Variants in DNAH12 observed in about 807,000 individuals in gnomAD.
The protein encoded by DNAH12 is dynein axonemal heavy chain 12.
In DNAH12, 285 loss-of-function variants were observed where a neutral mutation model predicts 371.5. That is an observed-to-expected ratio of 0.77 (90% CI 0.70 to 0.85). The LOEUF (loss-of-function observed/expected upper bound fraction) is 0.85, where lower values mean the gene tolerates loss of function less well. Among genes scored for constraint, DNAH12 ranks in the 40% least tolerant of loss-of-function variants. The pLI is 0.00. For missense variants in DNAH12, 3,611 were observed against 3,689.4 expected, an observed-to-expected ratio of 0.98 and a Z score of 0.55; for synonymous variants, 1,200 against 1,213.0, an observed-to-expected ratio of 0.99 and a Z score of 0.22.
chr3:57,451,317 A>G (rs2065749781), intron 25 of DNAH12, among the ~76,000 whole-genome samples: 1 of 152,198 alleles, frequency 6.6e-6, no homozygotes, highest in African/African-American at 2.4e-5. Context: ...ATAAAAATAC[A>G]GAATGCCCAG....
At chr3:57,548,855 A>G (rs546289159), upstream of DNAH12, 6 of 152,384 alleles carry the variant, frequency 3.9e-5, no homozygotes, top group Non-Finnish European at 7.3e-5. Flanking sequence ...TTTCGGCAGC[A>G]CATAATATTA....
chr3:57,408,556 A>C, intron 39 of DNAH12, 21 bp from the exon 40 acceptor site: 1 of 1,495,982 alleles, frequency 6.7e-7, no homozygotes, highest in Non-Finnish European at 8.9e-7. Context: ...ACACACAAAA[A>C]ATTTAGATTA....
At chr3:57,399,748 C>T (rs1286916509) in intron 43 of DNAH12, among the ~76,000 whole-genome samples, 3 of 152,162 alleles carry the variant, frequency 2.0e-5, no homozygotes, top group Non-Finnish European at 2.9e-5. Context: ...CATCCTCAGC[C>T]TACCCAACAT....
In DNAH12 at chr3:57,310,739, T is replaced by TC; in HGVS notation, c.10873dup (p.Glu3625GlyfsTer5). 1.9e-6 allele frequency: 3 copies of TC among 1,551,344 alleles called. No homozygotes were observed. Among genetic ancestry groups the TC allele is most frequent in the Non-Finnish European group, 2.6e-6 (3 of 1,146,644 alleles). On this transcript the variant is annotated frameshift_variant, in exon 67 of 74. Transcript: ENST00000495027. LOFTEE classifies it high-confidence loss of function. ...TACCTTAATGAATTCAATGTAGTCC[T>TC]CATAAGTGCCTTTAGGAGGTGCAAA...
intron 60 of DNAH12, among the ~76,000 whole-genome samples, chr3:57,351,075 C>A (rs1407615815): frequency 6.6e-6 from 1 of 151,638 alleles, no homozygotes; most frequent in East Asian, 1.9e-4. Flanking sequence ...TTGAGACCAG[C>A]CTGGCCAACA....
At chr3:57,340,456 AAC>A (rs1347000106) in intron 60 of DNAH12, among the ~76,000 whole-genome samples, 2 of 152,122 alleles carry the variant, frequency 1.3e-5, no homozygotes, top group Non-Finnish European at 2.9e-5. Flanking sequence ...TAAAATCACA[AAC>A]AAAAGGAGAC....
At chr3:57,298,816 T>A (rs1229418051) in intron 70 of DNAH12, among the ~76,000 whole-genome samples, 4 of 152,254 alleles carry the variant, frequency 2.6e-5, no homozygotes, top group African/African-American at 9.6e-5. Flanking sequence ...TATAGTGTAC[T>A]AATTTTCTTT....
rs1483722890 is a variant in DNAH12, at chr3:57,453,002, A to G, written c.3627T>C (p.Asp1209=). 1.9e-6 allele frequency: 3 copies of G among 1,546,516 alleles called. No homozygotes were observed. The highest frequency in any genetic ancestry group is 2.4e-5 in the South Asian group (2 of 81,940). The change falls in exon 25 of 74, where the codon GAT becomes GAC. Residue 1209 remains aspartate, a synonymous_variant. Transcript: ENST00000495027. Reference sequence around the variant, plus strand: ...GCTGAGCAAGCCACAGGAAATCTGTATCATGTGAGACACCTAGAAAAAATA... The same window carrying G: ...GCTGAGCAAGCCACAGGAAATCTGTGTCATGTGAGACACCTAGAAAAAATA... ...MDMIKMGVSH[D]TDFLWLAQLR...
intron 34 of DNAH12, 24 bp downstream of exon 34, chr3:57,428,609 T>A (rs2064856897): frequency 6.6e-7 from 1 of 1,514,520 alleles, no homozygotes; most frequent in African/African-American, 1.4e-5. Context: ...GAAACTTGAA[T>A]AGGTCAGAGA....
intron 11 of DNAH12, among the ~76,000 whole-genome samples, chr3:57,499,647 AATAT>A (rs1176721728): frequency 0.016 from 291 of 17,902 alleles, 22 homozygotes; most frequent in African/African-American, 0.043. Context: ...AAAAAAAAAA[AATAT>A]ATATATATAT....
chr3:57,389,482 G>A (rs1185544085), intron 45 of DNAH12, among the ~76,000 whole-genome samples: 1 of 151,908 alleles, frequency 6.6e-6, no homozygotes, highest in Non-Finnish European at 1.5e-5. Flanking sequence ...AAGTATTCAC[G>A]TTCTTTCCGT....
At chr3:57,338,212 G>A (rs545616704) in intron 60 of DNAH12, among the ~76,000 whole-genome samples, 1 of 152,178 alleles carries the variant, frequency 6.6e-6, no homozygotes, top group Non-Finnish European at 1.5e-5. Flanking sequence ...GGGTTTTGCT[G>A]TGTTGGCCGG....
chr3:57,332,873 A>G (rs1005473329), intron 62 of DNAH12, among the ~76,000 whole-genome samples: 5 of 152,212 alleles, frequency 3.3e-5, no homozygotes, highest in African/African-American at 1.2e-4. Context: ...AGCATTCAGT[A>G]AAGGCCCCAG....
chr3:57,418,557 A>AAAAC (rs797009937), intron 37 of DNAH12, among the ~76,000 whole-genome samples: 4 of 150,240 alleles, frequency 2.7e-5, no homozygotes, highest in African/African-American at 7.4e-5. Flanking sequence ...AAAACAAAAA[A>AAAAC]CTGCTATACT....
At chr3:57,417,792 C>G (rs925102116) in intron 37 of DNAH12, among the ~76,000 whole-genome samples, 1 of 151,994 alleles carries the variant, frequency 6.6e-6, no homozygotes, top group African/African-American at 2.4e-5. Context: ...AATAAAGAAA[C>G]ATATATATAT....
At chr3:57,444,383 G>T (rs988434459) in intron 29 of DNAH12, among the ~76,000 whole-genome samples, 21 of 152,010 alleles carry the variant, frequency 1.4e-4, no homozygotes, top group Middle Eastern at 3.4e-3. Context: ...GTGGAGACAG[G>T]GTTTCACCAT....
intron 2 of DNAH12, among the ~76,000 whole-genome samples, chr3:57,540,255 T>C (rs2069221457): frequency 6.6e-6 from 1 of 151,888 alleles, no homozygotes; most frequent in Admixed American, 6.6e-5. Flanking sequence ...TTTGCCATGT[T>C]GGTCAGGTTG....
chr3:57,301,265 CAAAAAAAAAAAAAAAAA>C (rs71088054), intron 70 of DNAH12, among the ~76,000 whole-genome samples: 39 of 43,000 alleles, frequency 9.1e-4, no homozygotes, highest in African/African-American at 2.3e-3. Flanking sequence ...GACCCTGTCT[CAAAAAAAAAAAAAAAAA>C]AAAAAAAAAA....
intron 1 of DNAH12, among the ~76,000 whole-genome samples, chr3:57,543,324 T>G (rs1389944848): frequency 2.9e-5 from 4 of 137,992 alleles, no homozygotes; most frequent in South Asian, 2.5e-4. Flanking sequence ...GGTTTTTTTT[T>G]TTTTTTTTTT....
Sources: allele counts gnomAD v4.1 joint callset (sites outside exome capture counted in the v4.1 genomes callset), GRCh38; gene constraint gnomAD v4.1.1; transcripts MANE v1.5; gene names NCBI Gene and HGNC (gene_info 2026-07-23, HGNC 2026-07-21).